FAM174A: variants seen among roughly 807,000 people sequenced by gnomAD.
The protein encoded by FAM174A is membrane protein FAM174A.
Under a neutral mutation model 14.3 loss-of-function variants are expected in FAM174A, and 14 were observed. The ratio of observed to expected loss-of-function variants is 0.98; its 90% CI spans 0.65 to 1.53. FAM174A has a LOEUF of 1.53. Ranked by LOEUF, FAM174A falls within the 40% of genes most tolerant of loss-of-function variation. The pLI is 0.00. For synonymous variants in FAM174A, 108 were observed against 111.4 expected (o/e 0.97, Z 0.19); for missense variants, 241 against 249.6 (o/e 0.97, Z 0.23).
rs1368617163 is a variant in FAM174A, at chr5:100,562,079, A to G, written c.460A>G (p.Arg154Gly). The G allele has an allele frequency of 2.5e-6, 4 of 1,579,564 alleles. No homozygotes were observed. Among genetic ancestry groups the G allele is most frequent in the Non-Finnish European group, 3.4e-6 (4 of 1,162,416 alleles). ...VRMRRRNRKTRRYGVLDTNIE... is the reference protein window; with the variant it reads ...VRMRRRNRKTGRYGVLDTNIE... ...GATGAGAAGAAGAAACCGAAAGACTAGGAGATATGGAGTTTTGGACACTAA... is the reference window on the plus strand; with the variant it reads ...GATGAGAAGAAGAAACCGAAAGACTGGGAGATATGGAGTTTTGGACACTAA... Residue 154 changes from arginine (R) to glycine (G), a missense_variant, in exon 2 of 3, where the codon AGG becomes GGG. By Grantham distance (125) the Arg-to-Gly change is moderately radical. Transcript: ENST00000312637.
rs200291741 is a variant in FAM174A, at chr5:100,551,274, C to CA, written c.435-10779dup. On this transcript the variant is annotated intron_variant, in intron 1 of 2. Transcript: ENST00000312637. ...TGCTACGGGAAGCAAAGTGGCTTGA[C>CA]ATCTTCCTGCTGTCACAGATTTGGG... Among the ~76,000 whole-genome samples the CA allele has an allele frequency of 2.1e-4, 32 of 152,290 alleles. No individual in the cohort carries two copies. In the East Asian group the frequency reaches 5.8e-3, roughly 28 times the overall value.
At chr5:100,552,154 T>C (rs1241277815) in intron 1 of FAM174A, among the ~76,000 whole-genome samples, 2 of 152,186 alleles carry the variant, frequency 1.3e-5, no homozygotes, top group Non-Finnish European at 2.9e-5. Context: ...CTATGTGTCA[T>C]ATATTCAATT....
At chr5:100,562,674 T>A (rs1358294466) in intron 2 of FAM174A, among the ~76,000 whole-genome samples, 2 of 151,732 alleles carry the variant, frequency 1.3e-5, no homozygotes, top group African/African-American at 2.4e-5. Context: ...TTTTGTATTC[T>A]GAAGATATTT....
At chr5:100,537,820 T>C (rs918494184) in intron 1 of FAM174A, among the ~76,000 whole-genome samples, 1 of 152,218 alleles carries the variant, frequency 6.6e-6, no homozygotes, top group East Asian at 1.9e-4. Context: ...ATGTTGTATC[T>C]CTTATACATA....
At chr5:100,564,575 T>G (rs971387162) in intron 2 of FAM174A, among the ~76,000 whole-genome samples, 7 of 151,330 alleles carry the variant, frequency 4.6e-5, no homozygotes, top group Admixed American at 2.0e-4. Context: ...AAAAAGACAA[T>G]GAGAAAAATC....
At position 100,535,820 on chromosome 5, in the gene FAM174A, G is replaced by A. The variant is rs753238312; in HGVS notation, c.290G>A (p.Gly97Glu). 5.0e-6 allele frequency: 8 copies of A among 1,610,752 alleles called. No individual in the cohort carries two copies. In the African/African-American group the frequency reaches 8.0e-5, roughly 16 times the overall value. Residue 97 changes from glycine to glutamate, a missense_variant, in exon 1 of 3, where the codon GGA (glycine) becomes GAA (glutamate). Coordinates refer to ENST00000312637, the MANE Select transcript of FAM174A (RefSeq NM_198507.3). ...GCCGGGCTTGAGACGGACGATCACG[G>A]AGGGAAGGCCGGGGAAGGCTCGGTG... ...PVAGLETDDHGGKAGEGSVGG... is the reference protein window; with the variant it reads ...PVAGLETDDHEGKAGEGSVGG...
intron 2 of FAM174A, 148 bp from the exon 3 acceptor site, chr5:100,586,033 G>C: frequency 2.7e-6 from 1 of 371,364 alleles, no homozygotes; most frequent in Non-Finnish European, 5.1e-6. Context: ...AAATAAGCAT[G>C]TGTTATTGGT....
chr5:100,574,071 A>G (rs1216477031), intron 2 of FAM174A, among the ~76,000 whole-genome samples: 1 of 152,222 alleles, frequency 6.6e-6, no homozygotes, highest in African/African-American at 2.4e-5. Flanking sequence ...GTATAAACCA[A>G]TCATTATTTT....
intron 2 of FAM174A, among the ~76,000 whole-genome samples, chr5:100,563,849 T>G (rs1233922939): frequency 6.6e-6 from 1 of 151,690 alleles, no homozygotes; most frequent in East Asian, 1.9e-4. Context: ...ACAGGAAAAA[T>G]TATAAATATG....
Position 100,586,193 on chromosome 5 carries a change from C to A in FAM174A, c.*9C>A. 1 of 1,409,764 alleles carries A rather than the reference C, an allele frequency of 7.1e-7. No individual in the cohort carries two copies. Among genetic ancestry groups the A allele is most frequent in the Non-Finnish European group, 9.8e-7 (1 of 1,024,950 alleles). 87.3% of individuals were successfully genotyped at this position (1,409,764 alleles called of 1,614,324 possible). A position where few individuals can be genotyped will look rare whatever the true frequency, so the allele number is the denominator to read the frequency against. ...CTTTTTCTTGCAGATAAGAATGTGC[C>A]TTTTGATGAAAGAACTTTATCTTTC... On this transcript the variant is annotated 3_prime_UTR_variant, in exon 3 of 3. Coordinates refer to ENST00000312637, the MANE Select transcript of FAM174A (RefSeq NM_198507.3).
At position 100,586,319 on chromosome 5, in the gene FAM174A, G is replaced by T; in HGVS notation, c.*135G>T. Reference sequence around the variant, plus strand: ...CATATATTTTAACAACCTTTAATTTGCTGTTGCAATAAATACCGTATCCTT... The same window carrying T: ...CATATATTTTAACAACCTTTAATTTTCTGTTGCAATAAATACCGTATCCTT... On this transcript the variant is annotated 3_prime_UTR_variant, in exon 3 of 3. Transcript: ENST00000312637. 1.9e-6 allele frequency: 1 copy of T among 539,540 alleles called. No homozygotes were observed. The highest frequency in any genetic ancestry group is 3.3e-6 in the Non-Finnish European group (1 of 302,144). 33.4% of individuals were successfully genotyped at this position (539,540 alleles called of 1,614,324 possible).
At chr5:100,556,047 G>A (rs1480531882) in intron 1 of FAM174A, among the ~76,000 whole-genome samples, 1 of 152,158 alleles carries the variant, frequency 6.6e-6, no homozygotes, top group Non-Finnish European at 1.5e-5. Context: ...TATTGCCTAG[G>A]TTTTCTTCTA....
At chr5:100,576,816 A>G (rs1580378030) in intron 2 of FAM174A, among the ~76,000 whole-genome samples, 1 of 152,122 alleles carries the variant, frequency 6.6e-6, no homozygotes, top group Non-Finnish European at 1.5e-5. Context: ...GTTAGAGGCA[A>G]TTTTTTTGTT....
At chr5:100,538,669 G>A (rs1241149020) in intron 1 of FAM174A, among the ~76,000 whole-genome samples, 1 of 152,014 alleles carries the variant, frequency 6.6e-6, no homozygotes, top group Non-Finnish European at 1.5e-5. Context: ...TATATGATGG[G>A]CACTGAATAA....
intron 2 of FAM174A, among the ~76,000 whole-genome samples, chr5:100,571,356 T>G (rs1206163551): frequency 6.6e-6 from 1 of 151,540 alleles, no homozygotes; most frequent in East Asian, 1.9e-4. Flanking sequence ...GACTTTTTTA[T>G]TGGATGGGAA....
intron 1 of FAM174A, among the ~76,000 whole-genome samples, chr5:100,544,816 A>G (rs1427485629): frequency 6.6e-6 from 1 of 152,238 alleles, no homozygotes; most frequent in Non-Finnish European, 1.5e-5. Flanking sequence ...TAGAGGTTGA[A>G]TGTGGGACAA....
At chr5:100,562,712 T>C (rs2112386647) in intron 2 of FAM174A, among the ~76,000 whole-genome samples, 1 of 151,984 alleles carries the variant, frequency 6.6e-6, no homozygotes, top group East Asian at 1.9e-4. Context: ...CTAGTGTTTG[T>C]AAATAGTGCT....
chr5:100,569,195 A>G (rs905651330), intron 2 of FAM174A, among the ~76,000 whole-genome samples: 2 of 151,860 alleles, frequency 1.3e-5, no homozygotes, highest in Admixed American at 6.6e-5. Flanking sequence ...CTCATTTCTT[A>G]CATAAGATGT....
At chr5:100,551,750 C>G (rs1188145746) in intron 1 of FAM174A, among the ~76,000 whole-genome samples, 1 of 152,072 alleles carries the variant, frequency 6.6e-6, no homozygotes, top group Admixed American at 6.6e-5. Context: ...CTTCTGAGGT[C>G]TGTGAGGGAA....
Sources: allele counts gnomAD v4.1 joint callset (sites outside exome capture counted in the v4.1 genomes callset), GRCh38; gene constraint gnomAD v4.1.1; transcripts MANE v1.5; gene names NCBI Gene and HGNC (gene_info 2026-07-23, HGNC 2026-07-21).